The following NUBPL variants were observed in gnomAD, a reference collection of about 807,000 sequenced individuals.
NUBPL encodes NUBP iron-sulfur cluster assembly factor, mitochondrial.
NUBPL carries 31 observed loss-of-function variants against 45.7 expected under a neutral mutation model. The ratio of observed to expected loss-of-function variants is 0.68; its 90% confidence interval spans 0.51 to 0.92. The LOEUF (loss-of-function observed/expected upper bound fraction) is 0.92. NUBPL is among the 40% of genes least tolerant of loss of function. The pLI is 0.00. For missense variants in NUBPL, 401 were observed against 398.7 expected, an observed-to-expected ratio of 1.01 and a Z score of -0.05; for synonymous variants, 144 against 140.9, an observed-to-expected ratio of 1.02 and a Z score of -0.15.
intron 6 of NUBPL, among the ~76,000 whole-genome samples, chr14:31,723,574 A>G (rs1004461896): frequency 1.3e-5 from 2 of 152,196 alleles, no homozygotes; most frequent in African/African-American, 2.4e-5. Flanking sequence ...CTATCCATCC[A>G]TAAGCATGGA....
rs1227539333 is a variant in NUBPL, at chr14:31,790,855, C to CA, written c.607+2989dup. 1.1e-4 allele frequency among the ~76,000 whole-genome samples: 16 copies of CA among 151,936 alleles called. No individual in the cohort carries two copies. In the South Asian group the frequency reaches 2.9e-3, roughly 28 times the overall value. On this transcript the variant is annotated intron_variant, in intron 7 of 10. Coordinates refer to ENST00000281081, the MANE Select transcript of NUBPL (RefSeq NM_025152.3). ...GACAAAGTGAGACTGTCTTAAAAAA[C>CA]AAAAAAACAAAAAACAGTAACTCTC...
intron 6 of NUBPL, among the ~76,000 whole-genome samples, chr14:31,707,718 A>C (rs11156698): frequency 0.55 from 83,486 of 152,096 alleles, 25,096 homozygotes; most frequent in African/African-American, 0.82. Context: ...CTGCTATAGG[A>C]AAAGCTGGGC....
At chr14:31,844,905 G>T (rs959320851) in intron 8 of NUBPL, 2 of 152,208 alleles carry the variant, frequency 1.3e-5, no homozygotes, top group African/African-American at 4.8e-5. Context: ...AAAGGAACAT[G>T]AGTAAGGATT....
chr14:31,834,605 T>C (rs975654631), intron 8 of NUBPL, among the ~76,000 whole-genome samples: 1 of 152,214 alleles, frequency 6.6e-6, no homozygotes, highest in African/African-American at 2.4e-5. Context: ...TAATTATTTC[T>C]CAGAGACTGG....
chr14:31,578,102 TC>T, intron 3 of NUBPL: 1 of 594,518 alleles, frequency 1.7e-6, no homozygotes, highest in Non-Finnish European at 2.8e-6. Context: ...TTCTAAAATG[TC>T]CATAATATTA....
chr14:31,607,279 A>T (rs1206238228), intron 4 of NUBPL, among the ~76,000 whole-genome samples: 1 of 151,810 alleles, frequency 6.6e-6, no homozygotes, highest in Admixed American at 6.6e-5. Flanking sequence ...GCTACTCGGG[A>T]GGCTGAGGCA....
intron 3 of NUBPL, among the ~76,000 whole-genome samples, chr14:31,588,873 C>T (rs1345520958): frequency 1.4e-5 from 2 of 145,742 alleles, no homozygotes. Context: ...GAGCCAAGAT[C>T]GTGCCACTCC....
intron 6 of NUBPL, among the ~76,000 whole-genome samples, chr14:31,759,822 T>C (rs746079212): frequency 1.1e-4 from 16 of 151,258 alleles, no homozygotes; most frequent in Non-Finnish European, 1.8e-4. Flanking sequence ...CATGAGATGT[T>C]CAACACTTTA....
At chr14:31,614,362 G>C (rs1595370090) in intron 4 of NUBPL, among the ~76,000 whole-genome samples, 2 of 152,270 alleles carry the variant, frequency 1.3e-5, no homozygotes, top group African/African-American at 4.8e-5. Context: ...ACTGAGTTTA[G>C]ACAGCTCTCT....
chr14:31,668,895 A>G (rs34319089), intron 4 of NUBPL, among the ~76,000 whole-genome samples: 45,953 of 151,914 alleles, frequency 0.3, 7,694 homozygotes, highest in South Asian at 0.41. Context: ...TTCCGGTGAG[A>G]TGAACTGTGT....
chr14:31,681,675 A>G (rs1359751302), intron 6 of NUBPL, among the ~76,000 whole-genome samples: 1 of 152,006 alleles, frequency 6.6e-6, no homozygotes, highest in African/African-American at 2.4e-5. Context: ...ACAAGCAGTT[A>G]AGGCTATAAA....
chr14:31,656,702 T>G (rs2036149258), intron 4 of NUBPL, among the ~76,000 whole-genome samples: 1 of 152,062 alleles, frequency 6.6e-6, no homozygotes, highest in South Asian at 2.1e-4. Context: ...ACAATTACAG[T>G]AGTAACATCA....
At chr14:31,847,828 T>G (rs2040477578) in intron 9 of NUBPL, among the ~76,000 whole-genome samples, 1 of 152,228 alleles carries the variant, frequency 6.6e-6, no homozygotes, top group Non-Finnish European at 1.5e-5. Context: ...ATGATATATT[T>G]TGATACATTG....
intron 6 of NUBPL, among the ~76,000 whole-genome samples, chr14:31,780,017 T>TA (rs2039163064): frequency 1.3e-5 from 2 of 152,222 alleles, no homozygotes; most frequent in African/African-American, 4.8e-5. Context: ...ACCTTAGTAA[T>TA]ATAACCAATG....
At chr14:31,662,273 A>G (rs1007914434) in intron 4 of NUBPL, 92 of 151,040 alleles carry the variant, frequency 6.1e-4, no homozygotes, top group Non-Finnish European at 1.1e-3. Context: ...AATTTTTAAT[A>G]TTTATATTTA....
chr14:31,593,170 C>T (rs8009126), intron 3 of NUBPL, among the ~76,000 whole-genome samples: 46,162 of 151,744 alleles, frequency 0.3, 7,663 homozygotes, highest in South Asian at 0.41. Flanking sequence ...TTAAAGTATA[C>T]GAGAGGATGT....
chr14:31,673,284 A>G, intron 4 of NUBPL, 71 bp from the exon 5 acceptor site: 4 of 1,375,166 alleles, frequency 2.9e-6, no homozygotes, highest in South Asian at 1.3e-5. Flanking sequence ...AAGATGAAAA[A>G]AAAACCCAAT....
chr14:31,811,387 C>G (rs1022766978), intron 7 of NUBPL, among the ~76,000 whole-genome samples: 2 of 152,120 alleles, frequency 1.3e-5, no homozygotes, highest in African/African-American at 4.8e-5. Context: ...ATCACTGATA[C>G]CCTTTCTTCC....
chr14:31,639,865 G>A (rs1190989532), intron 4 of NUBPL, among the ~76,000 whole-genome samples: 2 of 152,134 alleles, frequency 1.3e-5, no homozygotes, highest in African/African-American at 4.8e-5. Flanking sequence ...GAGAGACTCC[G>A]TGGACATAGG....
Sources: allele counts gnomAD v4.1 joint callset (sites outside exome capture counted in the v4.1 genomes callset), GRCh38; gene constraint gnomAD v4.1.1; transcripts MANE v1.5; gene names NCBI Gene and HGNC (gene_info 2026-07-23, HGNC 2026-07-21).